The following STAG1 variants were observed in gnomAD, a reference collection of about 807,000 sequenced individuals.
The protein encoded by STAG1 is STAG1 cohesin complex component.
In STAG1, 26 loss-of-function variants were observed where a neutral mutation model predicts 170.9. The observed-to-expected ratio is 0.15, with a 90% CI of 0.11 to 0.21. STAG1 has a LOEUF of 0.21. Among genes scored for constraint, STAG1 ranks in the 10% least tolerant of loss-of-function variants. The pLI is 1.00. For missense variants in STAG1, 964 were observed against 1,509.5 expected, an observed-to-expected ratio of 0.64 and a Z score of 5.99; for synonymous variants, 514 against 497.7, an observed-to-expected ratio of 1.03 and a Z score of -0.44.
At chr3:136,546,619 C>CTT (rs1333131386) in intron 5 of STAG1, among the ~76,000 whole-genome samples, 1 of 152,082 alleles carries the variant, frequency 6.6e-6, no homozygotes, top group Non-Finnish European at 1.5e-5. Context: ...AGGCTGAACT[C>CTT]TTCTCCTTTC....
chr3:136,477,505 C>T, intron 9 of STAG1, 93 bp from the exon 10 acceptor site: 1 of 1,194,720 alleles, frequency 8.4e-7, no homozygotes, highest in Non-Finnish European at 1.1e-6. Flanking sequence ...ATTTCTAATG[C>T]TGTTTGTATA....
intron 1 of STAG1, among the ~76,000 whole-genome samples, chr3:136,722,667 C>T (rs1230199068): frequency 2.0e-5 from 3 of 147,584 alleles, no homozygotes; most frequent in African/African-American, 5.0e-5. Flanking sequence ...CCCTTCTCCC[C>T]TCTCCCTCTC....
intron 26 of STAG1, among the ~76,000 whole-genome samples, chr3:136,361,960 CTTTCTTTTT>C (rs1247212344): frequency 6.6e-6 from 1 of 151,284 alleles, no homozygotes; most frequent in Non-Finnish European, 1.5e-5. Flanking sequence ...TGCTTCTTTT[CTTTCTTTTT>C]TTTGAGACAG....
At chr3:136,524,159 G>C (rs1277279071) in intron 6 of STAG1, among the ~76,000 whole-genome samples, 3 of 152,112 alleles carry the variant, frequency 2.0e-5, no homozygotes, top group Non-Finnish European at 4.4e-5. Context: ...GATGGGGATG[G>C]CATTCAATCT....
intron 28 of STAG1, among the ~76,000 whole-genome samples, chr3:136,350,890 C>T (rs903222527): frequency 2.0e-5 from 3 of 152,046 alleles, no homozygotes; most frequent in Admixed American, 6.6e-5. Context: ...CAAATGACAG[C>T]GCAAAACAGC....
Position 136,361,736 on chromosome 3 carries a change from G to A in STAG1, c.2787+1630C>T, listed in dbSNP as rs1257923837. On this transcript the variant is annotated intron_variant, in intron 26 of 33. Transcript: ENST00000383202. ...AGCCATCCTGTCACTTTACCCTCCC[G>A]AGTAGCTGGGACTACGGGGTGCGTG... Among the ~76,000 whole-genome samples the A allele has an allele frequency of 4.0e-5, 6 of 151,886 alleles. No homozygotes were observed. In the East Asian group the frequency reaches 5.8e-4, roughly 15 times the overall value.
intron 1 of STAG1, among the ~76,000 whole-genome samples, chr3:136,751,789 C>A (rs1935260306): frequency 6.8e-6 from 1 of 147,368 alleles, no homozygotes; most frequent in African/African-American, 2.6e-5. Flanking sequence ...TGGGCGCGGG[C>A]GACTCCCGAG....
intron 10 of STAG1, among the ~76,000 whole-genome samples, chr3:136,475,905 G>C (rs73863621): frequency 0.03 from 4,638 of 152,218 alleles, 226 homozygotes; most frequent in African/African-American, 0.1. Context: ...TTTAGAAAGA[G>C]AACTGATGAT....
chr3:136,518,187 C>A, intron 7 of STAG1: 1 of 413,366 alleles, frequency 2.4e-6, no homozygotes, highest in East Asian at 3.5e-5. Context: ...CTGATAAGAC[C>A]ACTCTGATGA....
intron 6 of STAG1, among the ~76,000 whole-genome samples, chr3:136,525,365 T>A (rs997378475): frequency 2.5e-4 from 38 of 152,212 alleles, no homozygotes; most frequent in Admixed American, 1.9e-3. Flanking sequence ...TCTTCTAGAT[T>A]TTCTAGTTTA....
chr3:136,388,707 G>A (rs9880211), intron 22 of STAG1, among the ~76,000 whole-genome samples: 28,278 of 152,010 alleles, frequency 0.19, 3,043 homozygotes, highest in Non-Finnish European at 0.24. Context: ...GCAACAAGAA[G>A]TCATTTAACA....
intron 6 of STAG1, among the ~76,000 whole-genome samples, chr3:136,537,709 T>C (rs1935706273): frequency 6.6e-6 from 1 of 152,112 alleles, no homozygotes; most frequent in Admixed American, 6.6e-5. Context: ...TTGGCCAGGC[T>C]GGTCTCAAAC....
At position 136,517,890 on chromosome 3, in the gene STAG1, T is replaced by C. The variant is rs529867101; in HGVS notation, c.676+3323A>G. 5.9e-4 allele frequency among the ~76,000 whole-genome samples: 89 copies of C among 152,074 alleles called. 1 individual carries two copies. In the Middle Eastern group the frequency reaches 0.017, roughly 29 times the overall value. On this transcript the variant is annotated intron_variant, in intron 7 of 33. Transcript: ENST00000383202. ...ATAACTAGGACAGTATGTTTGAAAA[T>C]TCCAACGAAGGGATTAAAGAAAATA...
chr3:136,522,388 T>C (rs2107907815), intron 6 of STAG1, among the ~76,000 whole-genome samples: 1 of 152,194 alleles, frequency 6.6e-6, no homozygotes, highest in Middle Eastern at 3.4e-3. Flanking sequence ...AGATGAGTGG[T>C]AGGGAGCACT....
chr3:136,619,756 CAAA>C (rs62857261), intron 3 of STAG1, among the ~76,000 whole-genome samples: 140 of 67,746 alleles, frequency 2.1e-3, no homozygotes, highest in Non-Finnish European at 3.2e-3. Flanking sequence ...GACTCTGTCT[CAAA>C]AAAAAAAAAA....
intron 10 of STAG1, among the ~76,000 whole-genome samples, chr3:136,474,893 T>C (rs548818306): frequency 1.3e-5 from 2 of 152,254 alleles, no homozygotes; most frequent in East Asian, 1.9e-4. Flanking sequence ...TAGGAGGTTA[T>C]GCTCCATCTT....
At position 136,454,115 on chromosome 3, in the gene STAG1, G is replaced by C. The variant is rs145287767; in HGVS notation, c.1314-1968C>G. Among the ~76,000 whole-genome samples, 211 of 152,144 alleles carry C rather than the reference G, an allele frequency of 1.4e-3. No homozygotes were observed. In the East Asian group the frequency reaches 0.034, roughly 24 times the overall value. On this transcript the variant is annotated intron_variant, in intron 13 of 33. Coordinates refer to ENST00000383202, the MANE Select transcript of STAG1 (RefSeq NM_005862.3). ...ACCAATCTATTTATTTATTTTTTGA[G>C]ACACAGTCTCACTCTGTCACCCAGG...
In STAG1 at chr3:136,417,897, G is replaced by A. The variant is rs1238337377; in HGVS notation, c.2184C>T (p.Ala728=). 2 of 1,613,242 alleles carry A rather than the reference G, an allele frequency of 1.2e-6. No homozygotes were observed. The highest frequency in any genetic ancestry group is 2.7e-5 in the African/African-American group (2 of 74,900). ...RLLKTGIEHG[A]MPEQIVVQAL... ...AATAAACTCCTACCTGTTCTGGCATGGCTCCATGTTCAATTCCAGTCTTCA... is the reference window on the plus strand; with the variant it reads ...AATAAACTCCTACCTGTTCTGGCATAGCTCCATGTTCAATTCCAGTCTTCA... The change falls in exon 21 of 34, where the codon GCC becomes GCT. Residue 728 remains alanine, a synonymous_variant. Coordinates refer to ENST00000383202, the MANE Select transcript of STAG1 (RefSeq NM_005862.3).
intron 3 of STAG1, among the ~76,000 whole-genome samples, chr3:136,612,779 G>A (rs1559909459): frequency 6.6e-6 from 1 of 152,198 alleles, no homozygotes. Flanking sequence ...ATCACACTTT[G>A]TTAGCCATTT....
Sources: allele counts gnomAD v4.1 joint callset (sites outside exome capture counted in the v4.1 genomes callset), GRCh38; gene constraint gnomAD v4.1.1; transcripts MANE v1.5; gene names NCBI Gene and HGNC (gene_info 2026-07-23, HGNC 2026-07-21).